Variants in PCDH15 observed in about 807,000 individuals in gnomAD.
PCDH15 encodes the protein protocadherin-15.
Under a neutral mutation model 178.5 loss-of-function variants are expected in PCDH15, and 129 were observed. The observed-to-expected ratio is 0.72, with a 90% CI of 0.63 to 0.84. The LOEUF is 0.84. PCDH15 is among the 40% of genes least tolerant of loss of function. The pLI, the probability that PCDH15 is intolerant of heterozygous loss-of-function variation, is 0.00. For synonymous variants in PCDH15, 800 were observed against 732.0 expected, an observed-to-expected ratio of 1.09 and a Z score of -1.50; for missense variants, 2,230 against 2,099.9, an observed-to-expected ratio of 1.06 and a Z score of -1.21.
chr10:54,812,226 CA>C (rs1952873877), intron 3 of PCDH15, among the ~76,000 whole-genome samples: 1 of 150,426 alleles, frequency 6.6e-6, no homozygotes, highest in Admixed American at 6.6e-5. Flanking sequence ...TAAACAAACA[CA>C]AAATTGTTGG....
intron 3 of PCDH15, among the ~76,000 whole-genome samples, chr10:54,859,924 C>T (rs1276618053): frequency 6.6e-6 from 1 of 151,792 alleles, no homozygotes; most frequent in Non-Finnish European, 1.5e-5. Flanking sequence ...TTTTTCTAAA[C>T]TGCTCATACT....
chr10:53,921,378 G>T (rs2083983557), intron 25 of PCDH15, among the ~76,000 whole-genome samples: 1 of 115,260 alleles, frequency 8.7e-6, no homozygotes, highest in Non-Finnish European at 1.8e-5. Flanking sequence ...CCACATTTCA[G>T]CCCTAATATG....
At chr10:55,070,122 GT>G (rs1841690616) in intron 2 of PCDH15, among the ~76,000 whole-genome samples, 1 of 150,474 alleles carries the variant, frequency 6.6e-6, no homozygotes, top group Non-Finnish European at 1.5e-5. Context: ...TTTTGATGGG[GT>G]TGTTTGTTTT....
At chr10:54,431,213 T>C (rs1956933401) in intron 3 of PCDH15, among the ~76,000 whole-genome samples, 1 of 152,094 alleles carries the variant, frequency 6.6e-6, no homozygotes, top group African/African-American at 2.4e-5. Flanking sequence ...ACTCAAACTA[T>C]TCTGAAAAAT....
chr10:54,100,066 A>G lies in PCDH15; in HGVS notation c.1918-10003T>C, dbSNP rs190574722. On this transcript the variant is annotated intron_variant, in intron 15 of 37. Transcript: ENST00000644397. ...TTAATACACTTCAGAATTCCATTCA[A>G]ATAGAAGGTATTGCTCAGTGGTCGG... is the stretch of plus-strand genomic sequence containing the variant. 3.0e-3 allele frequency among the ~76,000 whole-genome samples: 454 copies of G among 152,294 alleles called. 3 individuals are homozygous for G. Among genetic ancestry groups the G allele is most frequent in the Non-Finnish European group, 5.3e-3 (359 of 68,034 alleles).
intron 2 of PCDH15, among the ~76,000 whole-genome samples, chr10:55,586,513 A>T (rs958687151): frequency 6.6e-6 from 1 of 152,082 alleles, no homozygotes; most frequent in African/African-American, 2.4e-5. Flanking sequence ...GGTTGGTGAT[A>T]ATTGCAAAGA....
chr10:54,163,436 C>T (rs2045913266), intron 13 of PCDH15, among the ~76,000 whole-genome samples: 1 of 151,738 alleles, frequency 6.6e-6, no homozygotes, highest in Non-Finnish European at 1.5e-5. Flanking sequence ...AGGAGAAGTG[C>T]CATATACTTT....
intron 21 of PCDH15, among the ~76,000 whole-genome samples, chr10:53,984,294 C>A (rs368201814): frequency 1.3e-5 from 2 of 151,542 alleles, no homozygotes; most frequent in East Asian, 3.9e-4. Context: ...GGACTACAGG[C>A]GCCCACCACC....
chr10:55,282,509 A>G (rs544008706), intron 1 of PCDH15, among the ~76,000 whole-genome samples: 1 of 152,306 alleles, frequency 6.6e-6, no homozygotes, highest in Admixed American at 6.5e-5. Flanking sequence ...ATATACACAT[A>G]TATAAATTAT....
chr10:54,709,576 A>G (rs2095406716), intron 1 of PCDH15, among the ~76,000 whole-genome samples: 1 of 141,374 alleles, frequency 7.1e-6, no homozygotes, highest in South Asian at 2.2e-4. Flanking sequence ...CACAAGTCTT[A>G]GCAATTACAA....
Position 53,807,027 on chromosome 10 carries a change from T to C in PCDH15, c.4775A>G (p.His1592Arg), listed in dbSNP as rs1310370312. Residue 1592 changes from histidine (H) to arginine (R), a missense_variant, in exon 38 of 38, where the codon CAT becomes CGT. Coordinates refer to ENST00000644397, the MANE Select transcript of PCDH15 (RefSeq NM_001384140.1). ...APECQRNRLHHPSIHSNINGN... is the reference protein window; with the variant it reads ...APECQRNRLHRPSIHSNINGN... ...GTTGATATTACTGTGGATACTAGGA[T>C]GGTGAAGACGGTTTCTCTGACATTC... The C allele has an allele frequency of 1.2e-6, 2 of 1,613,752 alleles. No individual in the cohort carries two copies. The highest frequency in any genetic ancestry group is 8.5e-7 in the Non-Finnish European group (1 of 1,179,782).
At chr10:54,354,590 T>A (rs903595219) in intron 5 of PCDH15, among the ~76,000 whole-genome samples, 1 of 152,184 alleles carries the variant, frequency 6.6e-6, no homozygotes, top group Non-Finnish European at 1.5e-5. Context: ...TAAATGGGGA[T>A]GCTCCTGAAG....
chr10:54,853,336 CATAT>C (rs35481515), intron 3 of PCDH15, among the ~76,000 whole-genome samples: 3 of 126,478 alleles, frequency 2.4e-5, no homozygotes, highest in African/African-American at 8.7e-5. Flanking sequence ...CACACATATA[CATAT>C]ATATACATAT....
chr10:54,936,745 G>GT (rs1197426737), intron 2 of PCDH15, among the ~76,000 whole-genome samples: 3 of 149,796 alleles, frequency 2.0e-5, no homozygotes, highest in Non-Finnish European at 3.0e-5. Context: ...AGTTTTAAGA[G>GT]TTTTTTTATA....
At chr10:54,626,265 G>A (rs75091332) in intron 2 of PCDH15, among the ~76,000 whole-genome samples, 4,582 of 152,190 alleles carry the variant, frequency 0.03, 219 homozygotes, top group African/African-American at 0.099. Flanking sequence ...AAATTCAAGC[G>A]GGCGGCAGAA....
intron 25 of PCDH15, among the ~76,000 whole-genome samples, chr10:53,925,283 T>A (rs1235462639): frequency 6.6e-6 from 1 of 151,136 alleles, no homozygotes. Context: ...AATGAACAAC[T>A]CCTGATGGGA....
chr10:54,649,954 A>G (rs2094217448), intron 2 of PCDH15, among the ~76,000 whole-genome samples: 1 of 152,154 alleles, frequency 6.6e-6, no homozygotes, highest in African/African-American at 2.4e-5. Context: ...TTTTTATTCA[A>G]TGCTTATTTA....
At chr10:54,871,654 AATCT>A (rs1319772057) in intron 3 of PCDH15, among the ~76,000 whole-genome samples, 2 of 152,130 alleles carry the variant, frequency 1.3e-5, no homozygotes, top group African/African-American at 4.8e-5. Flanking sequence ...ATTATTAATC[AATCT>A]ATTAGGTTAG....
At chr10:55,363,721 C>T (rs370012586) in intron 2 of PCDH15, among the ~76,000 whole-genome samples, 5 of 151,940 alleles carry the variant, frequency 3.3e-5, no homozygotes, top group African/African-American at 1.2e-4. Flanking sequence ...CTGCAACCTC[C>T]GCCTCTTGAG....
Sources: gnomAD v4.1 joint callset for allele counts (sites outside exome capture counted in the v4.1 genomes callset) on GRCh38, gnomAD v4.1.1 for gene constraint, MANE v1.5 for transcripts, NCBI Gene and HGNC (gene_info 2026-07-23, HGNC 2026-07-21) for gene names.